The following ACTN4 variants were observed in gnomAD, a reference collection of about 807,000 sequenced individuals.
The protein encoded by ACTN4 is alpha-actinin-4.
In ACTN4, 18 loss-of-function variants were observed where a neutral mutation model predicts 114.2. The observed-to-expected ratio is 0.16, with a 90% CI of 0.11 to 0.23. ACTN4 has a LOEUF of 0.23. Among genes scored for constraint, ACTN4 ranks in the 10% least tolerant of loss-of-function variants. The probability of loss-of-function intolerance (pLI) is 1.00; values close to 1 mark genes in which losing one functional copy is unlikely to be tolerated. For synonymous variants in ACTN4, 515 were observed against 506.3 expected, an observed-to-expected ratio of 1.02 and a Z score of -0.23; for missense variants, 722 against 1,262.9, an observed-to-expected ratio of 0.57 and a Z score of 6.49.
intron 1 of ACTN4, among the ~76,000 whole-genome samples, chr19:38,673,674 TTA>T (rs549326584): frequency 3.0e-5 from 2 of 67,598 alleles, no homozygotes; most frequent in African/African-American, 8.2e-5. Context: ...TTATATATAT[TTA>T]TATATTTATA....
At chr19:38,652,691 GA>G (rs896787791) in intron 1 of ACTN4, among the ~76,000 whole-genome samples, 1 of 152,198 alleles carries the variant, frequency 6.6e-6, no homozygotes, top group Admixed American at 6.5e-5. Flanking sequence ...TTGTGGGGGG[GA>G]AAGTTCAGTG....
intron 11 of ACTN4, among the ~76,000 whole-genome samples, chr19:38,720,266 G>A (rs1212022523): frequency 6.6e-6 from 1 of 152,176 alleles, no homozygotes; most frequent in African/African-American, 2.4e-5. Flanking sequence ...AACCCCGAAC[G>A]ACCCCTTGTC....
At chr19:38,655,201 C>T (rs544420055) in intron 1 of ACTN4, among the ~76,000 whole-genome samples, 3 of 152,288 alleles carry the variant, frequency 2.0e-5, no homozygotes, top group Non-Finnish European at 4.4e-5. Flanking sequence ...GAAAACCCAG[C>T]TCCCCTGGCC....
chr19:38,728,748 G>T (rs1048787935), intron 19 of ACTN4, among the ~76,000 whole-genome samples: 1 of 152,226 alleles, frequency 6.6e-6, no homozygotes, highest in Non-Finnish European at 1.5e-5. Flanking sequence ...GACCACGAGA[G>T]GGGAGGGTGC....
chr19:38,677,954 T>C (rs1199578235), intron 1 of ACTN4, among the ~76,000 whole-genome samples: 1 of 152,150 alleles, frequency 6.6e-6, no homozygotes, highest in Non-Finnish European at 1.5e-5. Flanking sequence ...CTCAAACTCC[T>C]GGCCTCAAGT....
chr19:38,728,272 C>T (rs777350770), intron 19 of ACTN4: 27 of 1,534,946 alleles, frequency 1.8e-5, no homozygotes, highest in Middle Eastern at 1.7e-4. Context: ...CTCTTGCCTA[C>T]TCTGGGCCCG....
intron 1 of ACTN4, among the ~76,000 whole-genome samples, chr19:38,658,668 A>C (rs191255276): frequency 6.6e-6 from 1 of 152,342 alleles, no homozygotes; most frequent in East Asian, 1.9e-4. Flanking sequence ...CAGTTTCAAA[A>C]TTCAAAATGT....
intron 9 of ACTN4, among the ~76,000 whole-genome samples, chr19:38,715,635 CTT>C (rs1028784327): frequency 6.6e-6 from 1 of 152,114 alleles, no homozygotes; most frequent in African/African-American, 2.4e-5. Flanking sequence ...AGAGGGCCAG[CTT>C]TTTATTTTGC....
chr19:38,689,722 G>A (rs530196054), intron 1 of ACTN4, among the ~76,000 whole-genome samples: 2 of 151,560 alleles, frequency 1.3e-5, no homozygotes, highest in South Asian at 4.2e-4. Context: ...TGCCCAGGCT[G>A]GAGTGCAGTG....
chr19:38,681,129 GAAAAAAAA>G (rs35906770), intron 1 of ACTN4, among the ~76,000 whole-genome samples: 26 of 69,290 alleles, frequency 3.8e-4, no homozygotes, highest in East Asian at 1.6e-3. Flanking sequence ...CCAATCTCTA[GAAAAAAAA>G]AAAAAAAAAA....
In ACTN4 at chr19:38,687,596, G is replaced by A. The variant is rs577844570; in HGVS notation, c.163-13004G>A. ...TAGATACCCATCTGCAAAGAATGAA[G>A]TTGAACCTTTACCTCACACCATATA... On this transcript the variant is annotated intron_variant, in intron 1 of 20. Transcript: ENST00000252699. Among the ~76,000 whole-genome samples, 96 of 152,336 alleles carry A rather than the reference G, an allele frequency of 6.3e-4. 2 individuals carry two copies. Among genetic ancestry groups the A allele is most frequent in the Non-Finnish European group, 1.0e-3 (70 of 68,026 alleles).
At chr19:38,705,352 G>T (rs1968421818) in intron 4 of ACTN4, among the ~76,000 whole-genome samples, 1 of 152,228 alleles carries the variant, frequency 6.6e-6, no homozygotes, top group Non-Finnish European at 1.5e-5. Context: ...AGAGAGTTGG[G>T]CCTGGGCCTG....
chr19:38,717,458 CG>C lies in ACTN4; in HGVS notation c.1143+146del, dbSNP rs1968880515. 1 of 1,160,722 alleles carries C rather than the reference CG, an allele frequency of 8.6e-7. No individual in the cohort carries two copies. Among genetic ancestry groups the C allele is most frequent in the African/African-American group, 1.5e-5 (1 of 65,290 alleles). The allele number at this position is 1,160,722 out of a possible 1,614,324, so 71.9% of individuals were successfully genotyped here. A position where few individuals can be genotyped will look rare whatever the true frequency, so the allele number is the denominator to read the frequency against. ...GGCATGGCCTTTCGGATGCAGTGGTCGGGGAGGGGTGCACTTCACTCGGCAT... is the reference window on the plus strand; with the variant it reads ...GGCATGGCCTTTCGGATGCAGTGGTCGGGAGGGGTGCACTTCACTCGGCAT... On this transcript the variant is annotated intron_variant, in intron 10 of 20. Coordinates refer to ENST00000252699, the MANE Select transcript of ACTN4 (RefSeq NM_004924.6). The surrounding 1 kb of genome is among the most constrained non-coding windows in gnomAD (Gnocchi z 4.0).
At chr19:38,687,066 C>T (rs147483411) in intron 1 of ACTN4, among the ~76,000 whole-genome samples, 4 of 151,352 alleles carry the variant, frequency 2.6e-5, no homozygotes, top group Middle Eastern at 3.2e-3. Context: ...TGGGCTCAAG[C>T]GATTCTCTTG....
At chr19:38,680,228 T>G (rs1378604355) in intron 1 of ACTN4, among the ~76,000 whole-genome samples, 10 of 145,316 alleles carry the variant, frequency 6.9e-5, no homozygotes, top group South Asian at 2.2e-4. Flanking sequence ...TTTTTTTTTT[T>G]TTTTTTTTTT....
At chr19:38,703,458 G>A (rs967596107) in intron 3 of ACTN4, among the ~76,000 whole-genome samples, 10 of 151,330 alleles carry the variant, frequency 6.6e-5, no homozygotes, top group African/African-American at 1.2e-4. Flanking sequence ...GGCTGGTCTC[G>A]AACTCCTGAC....
At chr19:38,708,218 G>C (rs760681650) in intron 6 of ACTN4, 23 bp downstream of exon 6, 2 of 1,613,172 alleles carry the variant, frequency 1.2e-6, no homozygotes, top group Non-Finnish European at 1.7e-6. Flanking sequence ...AGCTCCCCTT[G>C]ATGGCCCACA....
chr19:38,655,283 C>T (rs1415786428), intron 1 of ACTN4, among the ~76,000 whole-genome samples: 2 of 152,106 alleles, frequency 1.3e-5, no homozygotes, highest in Non-Finnish European at 2.9e-5. Flanking sequence ...CAGGTGGTTA[C>T]CACTCGGGCT....
chr19:38,729,524 A>G lies in ACTN4; in HGVS notation c.*92A>G. 1 of 720,010 alleles carries G rather than the reference A, an allele frequency of 1.4e-6. No individual in the cohort carries two copies. The highest frequency in any genetic ancestry group is 2.1e-6 in the Non-Finnish European group (1 of 480,906). 44.6% of individuals were successfully genotyped at this position (720,010 alleles called of 1,614,324 possible). ...CATTCCTCCACTCTGTATCTATGCA[A>G]AGCACTCTCTGCAGTCCTCCGGGGT... is the stretch of plus-strand genomic sequence containing the variant. On this transcript the variant is annotated 3_prime_UTR_variant, in exon 21 of 21. Transcript: ENST00000252699.
Sources: gnomAD v4.1 joint callset for allele counts (sites outside exome capture counted in the v4.1 genomes callset) on GRCh38, gnomAD v4.1.1 for gene constraint, Gnocchi (gnomAD v3.1) non-coding constraint, MANE v1.5 for transcripts, NCBI Gene and HGNC (gene_info 2026-07-23, HGNC 2026-07-21) for gene names.